PRRC2C: variants seen among roughly 807,000 people sequenced by gnomAD.
PRRC2C encodes the protein proline rich coiled-coil 2C.
Under a neutral mutation model 317.2 loss-of-function variants are expected in PRRC2C, and 72 were observed. The ratio of observed to expected loss-of-function variants is 0.23; its 90% CI spans 0.19 to 0.28. The LOEUF (loss-of-function observed/expected upper bound fraction) is 0.28, where lower values mean the gene tolerates loss of function less well. PRRC2C is among the 10% of genes least tolerant of loss of function. The pLI is 1.00. For missense variants in PRRC2C, 3,074 were observed against 3,459.7 expected, an observed-to-expected ratio of 0.89 and a Z score of 2.80; for synonymous variants, 1,296 against 1,205.9, an observed-to-expected ratio of 1.07 and a Z score of -1.55.
At chr1:171,558,278 C>G in intron 19 of PRRC2C, 135 bp downstream of exon 19, 1 of 1,238,270 alleles carries the variant, frequency 8.1e-7, no homozygotes, top group Non-Finnish European at 1.1e-6. Context: ...AATAGTAATC[C>G]TCTCAACTTT....
chr1:171,546,721 T>G (rs564178106), intron 17 of PRRC2C, among the ~76,000 whole-genome samples: 1 of 152,266 alleles, frequency 6.6e-6, no homozygotes, highest in Non-Finnish European at 1.5e-5. Context: ...CAGCCTCAGC[T>G]TCCCGAGTAG....
rs566455502 is a variant in PRRC2C at position 171,567,620 on chromosome 1, A to G, written c.6559-627A>G. Reference sequence around the variant, plus strand: ...AACCTGAGTAATTGCAACAACTAAGATCTTGGTAATTGATAGTAAGCTAAG... The same window carrying G: ...AACCTGAGTAATTGCAACAACTAAGGTCTTGGTAATTGATAGTAAGCTAAG... On this transcript the variant is annotated intron_variant, in intron 22 of 34. Coordinates refer to ENST00000647382, the MANE Select transcript of PRRC2C (RefSeq NM_001387844.1). Among the ~76,000 whole-genome samples, 3 of 152,344 alleles carry G rather than the reference A, an allele frequency of 2.0e-5. No individual in the cohort carries two copies. The East Asian group carries it at 5.8e-4, about 29-fold the overall frequency.
intron 6 of PRRC2C, among the ~76,000 whole-genome samples, chr1:171,518,494 A>G (rs138458017): frequency 1.4e-5 from 1 of 72,578 alleles, no homozygotes; most frequent in Non-Finnish European, 2.8e-5. Context: ...TTTTTTTTCA[A>G]TTTTTTTTTT....
At chr1:171,487,497 C>T (rs1233512171) in intron 1 of PRRC2C, among the ~76,000 whole-genome samples, 1 of 152,106 alleles carries the variant, frequency 6.6e-6, no homozygotes, top group Non-Finnish European at 1.5e-5. Flanking sequence ...TGGAATATAT[C>T]CACTTTGGAC....
At chr1:171,579,267 T>A (rs1647957499) in intron 26 of PRRC2C, 87 bp from the exon 27 acceptor site, 1 of 1,460,950 alleles carries the variant, frequency 6.8e-7, no homozygotes, top group Non-Finnish European at 9.1e-7. Context: ...ATTTGGAATC[T>A]GCTACAAAAC....
chr1:171,504,026 T>C (rs1669691070), intron 1 of PRRC2C, among the ~76,000 whole-genome samples: 1 of 151,942 alleles, frequency 6.6e-6, no homozygotes, highest in South Asian at 2.1e-4. Context: ...TTGAGGGAGG[T>C]ACAATTCAAG....
chr1:171,558,130 T>G lies in PRRC2C; in HGVS notation c.6018T>G (p.Asp2006Glu). The G allele has an allele frequency of 6.2e-7, 1 of 1,611,470 alleles. No homozygotes were observed. Among genetic ancestry groups the G allele is most frequent in the Non-Finnish European group, 8.5e-7 (1 of 1,178,168 alleles). Residue 2006 changes from aspartate to glutamate, a missense_variant, in exon 19 of 35, where the codon GAT becomes GAG. Asp to Glu is a conservative substitution (Grantham distance 45, BLOSUM62 2). Around this residue, in one of 11 missense-constraint regions of PRRC2C, gnomAD observed 640 missense variants for 676.1 expected, o/e 0.95. Coordinates refer to ENST00000647382, the MANE Select transcript of PRRC2C (RefSeq NM_001387844.1). ...NKVAPPAVLN[D>E]ISKKLGPISP... ...TGGCCCCACCAGCTGTGCTGAATGA[T>G]ATCTCTAAGAAATGTAAGTTGCAAA... is the stretch of plus-strand genomic sequence containing the variant.
chr1:171,499,671 G>A (rs1668738775), intron 1 of PRRC2C, among the ~76,000 whole-genome samples: 1 of 152,142 alleles, frequency 6.6e-6, no homozygotes, highest in Non-Finnish European at 1.5e-5. Flanking sequence ...GGGCATGGTG[G>A]CAGACACCTG....
intron 34 of PRRC2C, among the ~76,000 whole-genome samples, chr1:171,590,287 A>G (rs962821875): frequency 6.6e-6 from 1 of 152,200 alleles, no homozygotes; most frequent in African/African-American, 2.4e-5. Flanking sequence ...GATAAACATG[A>G]GGTTTGCTAA....
At chr1:171,566,469 A>T in intron 21 of PRRC2C, 48 bp downstream of exon 21, 2 of 1,505,176 alleles carry the variant, frequency 1.3e-6, no homozygotes, top group African/African-American at 1.4e-5. Context: ...GGCCACTGAC[A>T]TGAAGAGCAA....
Position 171,591,603 on chromosome 1 carries a change from A to AGGTTCTTCAGTCCACGCAAC in PRRC2C, c.8462_8481dup (p.Glu2829ProfsTer15), listed in dbSNP as rs1651461232. On this transcript the variant is annotated frameshift_variant, in exon 35 of 35. Coordinates refer to ENST00000647382, the MANE Select transcript of PRRC2C (RefSeq NM_001387844.1). LOFTEE classifies it high-confidence loss of function. ...TTTTTTAAGGCAAAGCAGAGAGCAG[A>AGGTTCTTCAGTCCACGCAAC]GGTTCTTCAGTCCACGCAACGGTTC... The AGGTTCTTCAGTCCACGCAAC allele has an allele frequency of 6.2e-7, 1 of 1,613,682 alleles. No homozygotes were observed.
intron 33 of PRRC2C, 140 bp downstream of exon 33, chr1:171,588,645 T>G: frequency 1.0e-6 from 1 of 987,366 alleles, no homozygotes; most frequent in Non-Finnish European, 1.5e-6. Context: ...AACAATAAAT[T>G]TATTTTATAA....
chr1:171,582,985 T>C (rs1184421967), intron 28 of PRRC2C, among the ~76,000 whole-genome samples: 1 of 152,190 alleles, frequency 6.6e-6, no homozygotes, highest in Non-Finnish European at 1.5e-5. Flanking sequence ...GTATTTCTTT[T>C]TTTGTTTGTT....
chr1:171,527,063 C>T (rs1317058097), intron 10 of PRRC2C, among the ~76,000 whole-genome samples: 4 of 151,852 alleles, frequency 2.6e-5, no homozygotes, highest in Non-Finnish European at 5.9e-5. Context: ...GCCTCGGCCT[C>T]CCGAAGTGCT....
intron 1 of PRRC2C, among the ~76,000 whole-genome samples, chr1:171,493,167 A>T (rs1667498949): frequency 6.6e-6 from 1 of 152,142 alleles, no homozygotes; most frequent in South Asian, 2.1e-4. Context: ...ATACGGAGGG[A>T]TGTTAACCAA....
Position 171,557,540 on chromosome 1 carries a change from C to A in PRRC2C, c.5428C>A (p.Pro1810Thr), listed in dbSNP as rs1681693122. Reference sequence around the variant, plus strand: ...TCCAGTTCCAGCCTCACCCTTAGCTCCAGTTTCAGCCTCAGCCTCAGTCTC... The same window carrying A: ...TCCAGTTCCAGCCTCACCCTTAGCTACAGTTTCAGCCTCAGCCTCAGTCTC... ...SAPVPASPLA[P>T]VSASASVSAS... Residue 1810 changes from proline to threonine, a missense_variant, in exon 19 of 35, where the codon CCA becomes ACA. By Grantham distance (38) the Pro-to-Thr change is conservative. Around this residue, in one of 11 missense-constraint regions of PRRC2C, gnomAD observed 640 missense variants for 676.1 expected, o/e 0.95. Transcript: ENST00000647382. 1 of 1,551,426 alleles carries A rather than the reference C, an allele frequency of 6.4e-7. No homozygotes were observed. The highest frequency in any genetic ancestry group is 8.7e-7 in the Non-Finnish European group (1 of 1,146,958).
chr1:171,582,839 TG>T (rs1648960443), intron 28 of PRRC2C, among the ~76,000 whole-genome samples: 1 of 143,614 alleles, frequency 7.0e-6, no homozygotes, highest in South Asian at 2.3e-4. Context: ...TACTACACTG[TG>T]GGTACACTAA....
chr1:171,572,338 A>G (rs1335266719), intron 24 of PRRC2C, among the ~76,000 whole-genome samples: 1 of 152,084 alleles, frequency 6.6e-6, no homozygotes, highest in African/African-American at 2.4e-5. Context: ...TTCTTTGTTC[A>G]TAATCCAGGG....
At chr1:171,560,273 A>G (rs1682403146) in intron 19 of PRRC2C, among the ~76,000 whole-genome samples, 1 of 152,208 alleles carries the variant, frequency 6.6e-6, no homozygotes, top group Admixed American at 6.5e-5. Flanking sequence ...CAGTGGAGGA[A>G]ATAACTCTGA....
Sources: allele counts gnomAD v4.1 joint callset (sites outside exome capture counted in the v4.1 genomes callset), GRCh38; gene constraint gnomAD v4.1.1; regional missense constraint gnomAD v4.1.1; transcripts MANE v1.5; gene names NCBI Gene and HGNC (gene_info 2026-07-23, HGNC 2026-07-21).